Variants in CACNA2D3 observed in about 807,000 individuals in gnomAD.
CACNA2D3 encodes the protein voltage-dependent calcium channel subunit alpha-2/delta-3.
Under a neutral mutation model 160.6 loss-of-function variants are expected in CACNA2D3, and 60 were observed. That is an observed-to-expected ratio of 0.37 (90% CI 0.30 to 0.46). CACNA2D3 has a LOEUF of 0.46. Ranked by LOEUF, CACNA2D3 falls within the 20% of genes least tolerant of loss-of-function variation. CACNA2D3 has a pLI of 1.00. For missense variants in CACNA2D3, 1,205 were observed against 1,365.0 expected (o/e 0.88, Z 1.85); for synonymous variants, 558 against 492.9 (o/e 1.13, Z -1.75).
intron 5 of CACNA2D3, among the ~76,000 whole-genome samples, chr3:54,523,562 C>T (rs1404546133): frequency 3.3e-5 from 5 of 152,046 alleles, no homozygotes; most frequent in Admixed American, 3.3e-4. Flanking sequence ...GGGAATTGTT[C>T]TCCTTTTTTA....
chr3:55,043,488 A>T (rs529296084), intron 35 of CACNA2D3, among the ~76,000 whole-genome samples: 11 of 151,104 alleles, frequency 7.3e-5, no homozygotes, highest in South Asian at 2.1e-4. Flanking sequence ...TGCTCATTTT[A>T]AAAAAAAAGG....
intron 11 of CACNA2D3, among the ~76,000 whole-genome samples, chr3:54,745,896 C>T (rs1310683400): frequency 6.6e-6 from 1 of 152,108 alleles, no homozygotes; most frequent in African/African-American, 2.4e-5. Context: ...CTTAGAGCGT[C>T]CCTAAGGTGA....
At chr3:54,414,060 A>G (rs1259459447) in intron 4 of CACNA2D3, among the ~76,000 whole-genome samples, 1 of 151,942 alleles carries the variant, frequency 6.6e-6, no homozygotes, top group Non-Finnish European at 1.5e-5. Flanking sequence ...TTATACTAAG[A>G]AATAGTATAG....
intron 3 of CACNA2D3, among the ~76,000 whole-genome samples, chr3:54,323,701 C>T (rs1384450422): frequency 6.6e-6 from 1 of 152,234 alleles, no homozygotes; most frequent in East Asian, 1.9e-4. Context: ...CTCCTGACCT[C>T]GTGATCTGCC....
chr3:54,712,290 G>A (rs1700966244), intron 11 of CACNA2D3, among the ~76,000 whole-genome samples: 1 of 152,176 alleles, frequency 6.6e-6, no homozygotes, highest in South Asian at 2.1e-4. Context: ...GTCTCACTGG[G>A]TTAAAGTCAA....
chr3:54,721,268 T>C (rs1701164412), intron 11 of CACNA2D3, among the ~76,000 whole-genome samples: 1 of 152,202 alleles, frequency 6.6e-6, no homozygotes, highest in African/African-American at 2.4e-5. Flanking sequence ...AAATAGGAAA[T>C]ATTTAATTAG....
chr3:54,180,274 G>A (rs1264047312), intron 2 of CACNA2D3, among the ~76,000 whole-genome samples: 1 of 152,064 alleles, frequency 6.6e-6, no homozygotes, highest in Non-Finnish European at 1.5e-5. Flanking sequence ...TGGCCAGGTG[G>A]GAACCATGCT....
Position 54,987,679 on chromosome 3 carries a change from A to G in CACNA2D3, c.2620-4A>G, listed in dbSNP as rs142225782. ...CACCTCCTCATATGTCTTCTTCCCCATAGACTGGAGACTTTTTTGGTGAGA... is the reference window on the plus strand; with the variant it reads ...CACCTCCTCATATGTCTTCTTCCCCGTAGACTGGAGACTTTTTTGGTGAGA... On this transcript the variant is annotated splice_region_variant and splice_polypyrimidine_tract_variant and intron_variant, in intron 30 of 37. Coordinates refer to ENST00000474759, the MANE Select transcript of CACNA2D3 (RefSeq NM_018398.3). The G allele has an allele frequency of 3.0e-4, 483 of 1,599,636 alleles. 2 individuals are homozygous for G. In the African/African-American group the frequency reaches 4.8e-3, roughly 16 times the overall value.
chr3:54,736,488 G>T (rs898398144), intron 11 of CACNA2D3, among the ~76,000 whole-genome samples: 1 of 152,054 alleles, frequency 6.6e-6, no homozygotes, highest in Non-Finnish European at 1.5e-5. Context: ...ATATTTAATA[G>T]ATGTGGTCAA....
intron 9 of CACNA2D3, among the ~76,000 whole-genome samples, chr3:54,600,512 A>G (rs1703041171): frequency 6.6e-6 from 1 of 152,176 alleles, no homozygotes; most frequent in Non-Finnish European, 1.5e-5. Context: ...GAGAACATGC[A>G]GCACAGATCA....
chr3:54,432,983 T>A (rs939499879), intron 4 of CACNA2D3, among the ~76,000 whole-genome samples: 3 of 152,142 alleles, frequency 2.0e-5, no homozygotes, highest in Non-Finnish European at 4.4e-5. Context: ...ATTATTTTTT[T>A]AAAAAATTCA....
intron 2 of CACNA2D3, among the ~76,000 whole-genome samples, chr3:54,145,236 G>T (rs760820828): frequency 1.3e-5 from 2 of 152,224 alleles, no homozygotes; most frequent in African/African-American, 2.4e-5. Context: ...TTAAAATGCG[G>T]TAAGTTGCCA....
chr3:55,006,072 CT>C (rs1703086297), intron 32 of CACNA2D3, among the ~76,000 whole-genome samples: 1 of 152,130 alleles, frequency 6.6e-6, no homozygotes, highest in Non-Finnish European at 1.5e-5. Flanking sequence ...AAAAATACAG[CT>C]TTTTAGTGAG....
chr3:54,717,786 C>T (rs1031228394), intron 11 of CACNA2D3, among the ~76,000 whole-genome samples: 6 of 69,862 alleles, frequency 8.6e-5, no homozygotes, highest in Non-Finnish European at 1.3e-4. Context: ...TGTGCATGTG[C>T]GTGTGTGGTG....
intron 4 of CACNA2D3, among the ~76,000 whole-genome samples, chr3:54,439,667 G>A (rs916757849): frequency 6.6e-6 from 1 of 152,154 alleles, no homozygotes; most frequent in Admixed American, 6.5e-5. Flanking sequence ...GGTTCAAGAA[G>A]CCATGGCCAG....
chr3:54,328,921 G>A (rs1704180930), intron 3 of CACNA2D3, among the ~76,000 whole-genome samples: 1 of 152,156 alleles, frequency 6.6e-6, no homozygotes, highest in African/African-American at 2.4e-5. Flanking sequence ...GAGCATCGGC[G>A]GCTCAATACC....
intron 17 of CACNA2D3, among the ~76,000 whole-genome samples, chr3:54,860,416 T>C (rs570576621): frequency 6.6e-6 from 1 of 152,158 alleles, no homozygotes; most frequent in African/African-American, 2.4e-5. Flanking sequence ...GATCTAGTAG[T>C]AACTGGGAGG....
At chr3:54,240,162 A>G (rs1701949418) in intron 2 of CACNA2D3, among the ~76,000 whole-genome samples, 1 of 152,198 alleles carries the variant, frequency 6.6e-6, no homozygotes, top group African/African-American at 2.4e-5. Flanking sequence ...GGAATAGTCA[A>G]CCCATCAAGA....
chr3:54,213,180 C>A (rs1435562591), intron 2 of CACNA2D3, among the ~76,000 whole-genome samples: 2 of 152,126 alleles, frequency 1.3e-5, no homozygotes, highest in African/African-American at 2.4e-5. Context: ...GAAACTGGGT[C>A]AAATTTCCTT....
Sources: gnomAD v4.1 joint callset for allele counts (sites outside exome capture counted in the v4.1 genomes callset) on GRCh38, gnomAD v4.1.1 for gene constraint, MANE v1.5 for transcripts, NCBI Gene and HGNC (gene_info 2026-07-23, HGNC 2026-07-21) for gene names.